ST6GALNAC5: variants seen among roughly 807,000 people sequenced by gnomAD.
The protein encoded by ST6GALNAC5 is ST6 N-acetylgalactosaminide alpha-2,6-sialyltransferase 5.
A neutral mutation model predicts 33.6 loss-of-function variants in ST6GALNAC5; 27 were observed. The observed-to-expected ratio is 0.80, with a 90% CI of 0.59 to 1.11. ST6GALNAC5 has a LOEUF of 1.11. Ranked by LOEUF, ST6GALNAC5 falls within the 50% of genes least tolerant of loss-of-function variation. The probability of loss-of-function intolerance (pLI) is 0.00; values close to 1 mark genes in which losing one functional copy is unlikely to be tolerated. For missense variants in ST6GALNAC5, 428 were observed against 454.0 expected, an observed-to-expected ratio of 0.94 and a Z score of 0.52; for synonymous variants, 194 against 171.2, an observed-to-expected ratio of 1.13 and a Z score of -1.04.
intron 2 of ST6GALNAC5, among the ~76,000 whole-genome samples, chr1:76,933,146 C>A (rs1230832882): frequency 1.3e-5 from 2 of 151,866 alleles, no homozygotes; most frequent in Non-Finnish European, 2.9e-5. Flanking sequence ...TAAATGGAAT[C>A]CTGAAATTTT....
intron 2 of ST6GALNAC5, among the ~76,000 whole-genome samples, chr1:76,884,195 G>C (rs919679227): frequency 6.6e-6 from 1 of 152,162 alleles, no homozygotes; most frequent in East Asian, 1.9e-4. Context: ...CCACCCTCCT[G>C]TGTCTGTGCA....
At chr1:76,898,952 G>T (rs940930986) in intron 2 of ST6GALNAC5, among the ~76,000 whole-genome samples, 1 of 152,108 alleles carries the variant, frequency 6.6e-6, no homozygotes, top group African/African-American at 2.4e-5. Flanking sequence ...AGGGAAACAA[G>T]GAAGATTTGG....
intron 4 of ST6GALNAC5, among the ~76,000 whole-genome samples, chr1:77,059,200 A>G (rs1652495495): frequency 6.6e-6 from 1 of 152,204 alleles, no homozygotes. Context: ...AAAGTAAGAA[A>G]TTAACATGAG....
intron 2 of ST6GALNAC5, among the ~76,000 whole-genome samples, chr1:76,959,166 G>A (rs193049692): frequency 6.6e-6 from 1 of 152,152 alleles, no homozygotes; most frequent in Admixed American, 6.5e-5. Flanking sequence ...GGGGTTATGG[G>A]TGGTTTTATT....
intron 2 of ST6GALNAC5, among the ~76,000 whole-genome samples, chr1:76,885,960 G>T (rs997153774): frequency 1.9e-4 from 29 of 152,178 alleles, no homozygotes; most frequent in African/African-American, 6.8e-4. Flanking sequence ...CCTGACACAG[G>T]CTTCCAGGAC....
intron 2 of ST6GALNAC5, among the ~76,000 whole-genome samples, chr1:76,943,648 A>T (rs1212698140): frequency 6.6e-6 from 1 of 152,096 alleles, no homozygotes. Context: ...CAACCTTTGA[A>T]ACATTTCCAG....
chr1:76,936,516 CCTT>C (rs1415359546), intron 2 of ST6GALNAC5, among the ~76,000 whole-genome samples: 1 of 151,922 alleles, frequency 6.6e-6, no homozygotes, highest in East Asian at 1.9e-4. Context: ...GTGAATGAGC[CCTT>C]CTTCTTGGAG....
intron 4 of ST6GALNAC5, among the ~76,000 whole-genome samples, chr1:77,051,458 C>G (rs1041061030): frequency 1.7e-4 from 26 of 152,154 alleles, no homozygotes; most frequent in African/African-American, 6.0e-4. Flanking sequence ...AAAGCCTGGC[C>G]TGGTCACTTA....
chr1:76,890,515 G>A (rs911682459), intron 2 of ST6GALNAC5, among the ~76,000 whole-genome samples: 2 of 150,592 alleles, frequency 1.3e-5, no homozygotes, highest in African/African-American at 4.9e-5. Context: ...TGTCTGCAAT[G>A]CCCATTCATT....
At chr1:77,024,563 G>A (rs994582790) in intron 2 of ST6GALNAC5, among the ~76,000 whole-genome samples, 7 of 152,338 alleles carry the variant, frequency 4.6e-5, no homozygotes, top group African/African-American at 1.7e-4. Flanking sequence ...GGTGCCTCCA[G>A]GCGGGCTGGG....
At chr1:77,044,977 A>T (rs1229999213) in intron 3 of ST6GALNAC5, among the ~76,000 whole-genome samples, 1 of 152,188 alleles carries the variant, frequency 6.6e-6, no homozygotes, top group Non-Finnish European at 1.5e-5. Context: ...TTTCCCATTC[A>T]AAGGCAAACA....
chr1:76,869,387 A>T (rs1230572578), intron 2 of ST6GALNAC5, among the ~76,000 whole-genome samples: 2 of 152,158 alleles, frequency 1.3e-5, no homozygotes, highest in East Asian at 1.9e-4. Flanking sequence ...AATAAGATGA[A>T]TTTTTTAAAA....
At chr1:77,011,165 C>T (rs74090579) in intron 2 of ST6GALNAC5, among the ~76,000 whole-genome samples, 6,962 of 152,170 alleles carry the variant, frequency 0.046, 247 homozygotes, top group African/African-American at 0.1. Flanking sequence ...AACATGAGAG[C>T]GGCACTCAGT....
chr1:76,948,422 T>A (rs1647608356), intron 2 of ST6GALNAC5, among the ~76,000 whole-genome samples: 1 of 151,762 alleles, frequency 6.6e-6, no homozygotes, highest in South Asian at 2.1e-4. Flanking sequence ...AGAACCAACA[T>A]CCCTTCAGAG....
At chr1:76,965,796 G>A (rs1044607812) in intron 2 of ST6GALNAC5, among the ~76,000 whole-genome samples, 14 of 152,140 alleles carry the variant, frequency 9.2e-5, no homozygotes, top group African/African-American at 2.4e-4. Context: ...AAGGTGTAAC[G>A]AAGGGATCCA....
intron 2 of ST6GALNAC5, among the ~76,000 whole-genome samples, chr1:76,933,260 C>T (rs1156815998): frequency 2.0e-5 from 3 of 151,982 alleles, no homozygotes; most frequent in African/African-American, 4.8e-5. Context: ...ACATTCAGAT[C>T]TTCTGAAATT....
At chr1:77,009,687 C>T (rs1246437041) in intron 2 of ST6GALNAC5, among the ~76,000 whole-genome samples, 1 of 152,074 alleles carries the variant, frequency 6.6e-6, no homozygotes, top group Non-Finnish European at 1.5e-5. Context: ...TATTTCTCTC[C>T]TTGCGCTTTG....
In ST6GALNAC5 at chr1:77,016,335, C is replaced by A. The variant is rs552288968; in HGVS notation, c.262-27869C>A. ...TCCTGAAACTCTTCCTCCTCTTTCT[C>A]CACTCCTCCTCATTCTTGCTAGACG... is the stretch of plus-strand genomic sequence containing the variant. On this transcript the variant is annotated intron_variant, in intron 2 of 4. Coordinates refer to ENST00000477717, the MANE Select transcript of ST6GALNAC5 (RefSeq NM_030965.3). Among the ~76,000 whole-genome samples, 4 of 147,886 alleles carry A rather than the reference C, an allele frequency of 2.7e-5. No individual in the cohort carries two copies. In the South Asian group the frequency reaches 8.9e-4, roughly 33 times the overall value.
intron 2 of ST6GALNAC5, among the ~76,000 whole-genome samples, chr1:76,954,302 C>T (rs1647865629): frequency 6.6e-6 from 1 of 152,102 alleles, no homozygotes; most frequent in Non-Finnish European, 1.5e-5. Flanking sequence ...ACTTCATGTC[C>T]TCACTTATAA....
Sources: gnomAD v4.1 joint callset for allele counts (sites outside exome capture counted in the v4.1 genomes callset) on GRCh38, gnomAD v4.1.1 for gene constraint, MANE v1.5 for transcripts, NCBI Gene and HGNC (gene_info 2026-07-23, HGNC 2026-07-21) for gene names.